The following SV2B variants were observed in gnomAD, a reference collection of about 807,000 sequenced individuals.
SV2B encodes synaptic vesicle glycoprotein 2B.
A neutral mutation model predicts 73.9 loss-of-function variants in SV2B; 41 were observed. The observed-to-expected ratio is 0.56, with a 90% confidence interval of 0.43 to 0.72. The LOEUF (loss-of-function observed/expected upper bound fraction) is 0.72, where lower values mean the gene tolerates loss of function less well. Among genes scored for constraint, SV2B ranks in the 30% least tolerant of loss-of-function variants. The pLI is 0.00. For synonymous variants in SV2B, 314 were observed against 314.2 expected (o/e 1.00, Z 0.01); for missense variants, 764 against 857.8 (o/e 0.89, Z 1.37).
chr15:91,211,741 A>G (rs952823103), intron 1 of SV2B, among the ~76,000 whole-genome samples: 4 of 148,754 alleles, frequency 2.7e-5, no homozygotes, highest in African/African-American at 9.9e-5. Context: ...TGACCTCATA[A>G]TCCACCCGCC....
At position 91,137,682 on chromosome 15, in the gene SV2B, A is replaced by G. The variant is rs1159808089; in HGVS notation, c.-392+37319A>G. ...ATATATACATATATTTCATATATATATACACACACACACACATTTGCACAG... is the reference window on the plus strand; with the variant it reads ...ATATATACATATATTTCATATATATGTACACACACACACACATTTGCACAG... On this transcript the variant is annotated intron_variant, in intron 1 of 12. Coordinates refer to ENST00000394232, the MANE Select transcript of SV2B (RefSeq NM_001323032.3). This position sits in a 1 kb window ranked among gnomAD's most constrained non-coding sequence, Gnocchi z 4.9. Among the ~76,000 whole-genome samples, 2 of 149,214 alleles carry G rather than the reference A, an allele frequency of 1.3e-5. No homozygotes were observed. Among genetic ancestry groups the G allele is most frequent in the African/African-American group, 4.9e-5 (2 of 40,842 alleles).
At chr15:91,102,820 G>A (rs2023714) in intron 1 of SV2B, among the ~76,000 whole-genome samples, 84,283 of 152,040 alleles carry the variant, frequency 0.55, 24,336 homozygotes, top group African/African-American at 0.63. Context: ...GACATCTGGG[G>A]AAGTGAGGGA....
chr15:91,196,351 A>G (rs1054089549), intron 1 of SV2B, among the ~76,000 whole-genome samples: 1 of 152,258 alleles, frequency 6.6e-6, no homozygotes, highest in African/African-American at 2.4e-5. Context: ...GCAGAGTTAC[A>G]TGGAAAAGGT....
In SV2B at chr15:91,118,966, G is replaced by A. The variant is rs921334474; in HGVS notation, c.-392+18603G>A. Among the ~76,000 whole-genome samples, 17 of 152,316 alleles carry A rather than the reference G, an allele frequency of 1.1e-4. No individual in the cohort carries two copies. The highest frequency in any genetic ancestry group is 3.8e-4 in the African/African-American group (16 of 41,560). On this transcript the variant is annotated intron_variant, in intron 1 of 12. Transcript: ENST00000394232. The surrounding 1 kb of genome is among the most constrained non-coding windows in gnomAD (Gnocchi z 4.7). ...CGGCTTGGAGGCAGGGCCTGTGGGG[G>A]TGGGCGTGCTGGCTGATCCGCTTGG...
chr15:91,262,457 C>A (rs1016178669), intron 6 of SV2B, among the ~76,000 whole-genome samples: 13 of 152,036 alleles, frequency 8.6e-5, no homozygotes, highest in African/African-American at 2.4e-5. Context: ...GCTTTTCCTG[C>A]CATTTTTTTA....
intron 1 of SV2B, among the ~76,000 whole-genome samples, chr15:91,151,323 T>C (rs1365277882): frequency 6.6e-6 from 1 of 152,266 alleles, no homozygotes; most frequent in African/African-American, 2.4e-5. Context: ...TGCAGCTTTA[T>C]AATTTGGTCA....
chr15:91,272,139 T>C (rs2048337575), intron 9 of SV2B, among the ~76,000 whole-genome samples: 1 of 152,196 alleles, frequency 6.6e-6, no homozygotes, highest in African/African-American at 2.4e-5. Flanking sequence ...TAGTGCCTTT[T>C]TGGGGATCTG....
chr15:91,177,163 G>T (rs191539142), intron 1 of SV2B, among the ~76,000 whole-genome samples: 2,003 of 151,866 alleles, frequency 0.013, 50 homozygotes, highest in African/African-American at 0.044. Context: ...TTTCCCCATT[G>T]CTTGTTTTAC....
intron 1 of SV2B, among the ~76,000 whole-genome samples, chr15:91,126,983 G>C (rs2042502694): frequency 6.6e-6 from 1 of 152,192 alleles, no homozygotes; most frequent in Non-Finnish European, 1.5e-5. Flanking sequence ...CAACATTATA[G>C]GACACATAGC....
chr15:91,258,470 G>A lies in SV2B; in HGVS notation c.834G>A (p.Val278=), dbSNP rs149904041. ...ATTACCACTTCCATAGCTGGAGAGT[G>A]TTTGTCATCGTCTGTGCTCTGCCCT... ...GTNYHFHSWR[V]FVIVCALPCT... Residue 278 remains valine (V), a synonymous_variant, in exon 5 of 13, where the codon GTG becomes GTA. Transcript: ENST00000394232. The surrounding 1 kb of genome is among the most constrained non-coding windows in gnomAD (Gnocchi z 4.7). 96 of 1,614,184 alleles carry A rather than the reference G, an allele frequency of 5.9e-5. No homozygotes were observed. In the African/African-American group the frequency reaches 1.1e-3, roughly 18 times the overall value.
In SV2B at chr15:91,106,006, T is replaced by G. The variant is rs1224657832; in HGVS notation, c.-392+5643T>G. ...TCGAGGCTGCAGTGAGTCACGATAA[T>G]GCCATTGTACTCCAGCCTGGACAAT... On this transcript the variant is annotated intron_variant, in intron 1 of 12. Transcript: ENST00000394232. This position sits in a 1 kb window ranked among gnomAD's most constrained non-coding sequence, Gnocchi z 4.4. Among the ~76,000 whole-genome samples the G allele has an allele frequency of 6.6e-6, 1 of 151,968 alleles. No individual in the cohort carries two copies. The highest frequency in any genetic ancestry group is 1.5e-5 in the Non-Finnish European group (1 of 67,978).
chr15:91,245,860 T>A lies in SV2B; in HGVS notation c.452-5959T>A, dbSNP rs890890464. Among the ~76,000 whole-genome samples the A allele has an allele frequency of 4.6e-5, 7 of 152,104 alleles. No homozygotes were observed. Among genetic ancestry groups the A allele is most frequent in the African/African-American group, 1.7e-4 (7 of 41,412 alleles). On this transcript the variant is annotated intron_variant, in intron 2 of 12. Coordinates refer to ENST00000394232, the MANE Select transcript of SV2B (RefSeq NM_001323032.3). The surrounding 1 kb of genome is among the most constrained non-coding windows in gnomAD (Gnocchi z 4.2). Reference sequence around the variant, plus strand: ...TACAAACCTATGACCAATTTTTTTTTTAACATTTTTAAAGGGTTGTAAATT... The same window carrying A: ...TACAAACCTATGACCAATTTTTTTTATAACATTTTTAAAGGGTTGTAAATT...
In SV2B at chr15:91,234,084, G is replaced by T. The variant is rs1203041986; in HGVS notation, c.451+7370G>T. ...AAAAAACTCTACTATTTGTTTCATT[G>T]GTTGGCTGAAATGTAGACCAAAATG... On this transcript the variant is annotated intron_variant, in intron 2 of 12. Coordinates refer to ENST00000394232, the MANE Select transcript of SV2B (RefSeq NM_001323032.3). This position sits in a 1 kb window ranked among gnomAD's most constrained non-coding sequence, Gnocchi z 5.6. 6.6e-6 allele frequency among the ~76,000 whole-genome samples: 1 copy of T among 152,164 alleles called. No homozygotes were observed. Among genetic ancestry groups the T allele is most frequent in the Non-Finnish European group, 1.5e-5 (1 of 68,028 alleles).
intron 1 of SV2B, among the ~76,000 whole-genome samples, chr15:91,127,746 T>C (rs2042527952): frequency 6.6e-6 from 1 of 152,072 alleles, no homozygotes; most frequent in Non-Finnish European, 1.5e-5. Flanking sequence ...GGTCTCAGTG[T>C]TCTGCTGAGC....
Position 91,267,576 on chromosome 15 carries a change from T to C in SV2B, c.1141T>C (p.Cys381Arg), listed in dbSNP as rs751434328. 1.2e-6 allele frequency: 2 copies of C among 1,613,486 alleles called. No individual in the cohort carries two copies. Among genetic ancestry groups the C allele is most frequent in the Middle Eastern group, 1.7e-4 (1 of 6,056 alleles). ...FKQVWDNALY[C>R]VMGPYRMNTL... ...GTAGGTCTGGGATAATGCCCTGTAC[T>C]GTGTGATGGGGCCCTACAGAATGAA... The change falls in exon 8 of 13, where the codon TGT becomes CGT. Residue 381 changes from cysteine (C) to arginine (R), a missense_variant. Coordinates refer to ENST00000394232, the MANE Select transcript of SV2B (RefSeq NM_001323032.3). This position sits in a 1 kb window ranked among gnomAD's most constrained non-coding sequence, Gnocchi z 4.3.
chr15:91,254,347 G>A (rs1357890173), intron 4 of SV2B, among the ~76,000 whole-genome samples: 5 of 150,292 alleles, frequency 3.3e-5, no homozygotes, highest in East Asian at 3.9e-4. Flanking sequence ...AGCAGTACTC[G>A]TGTCTCAGAC....
chr15:91,200,582 A>G (rs1242948349), intron 1 of SV2B, among the ~76,000 whole-genome samples: 1 of 152,120 alleles, frequency 6.6e-6, no homozygotes, highest in Non-Finnish European at 1.5e-5. Flanking sequence ...AGAAGGTCAG[A>G]TGGTGCTACT....
At chr15:91,225,382 T>G (rs1383787869) in intron 1 of SV2B, among the ~76,000 whole-genome samples, 1 of 152,216 alleles carries the variant, frequency 6.6e-6, no homozygotes, top group Non-Finnish European at 1.5e-5. Flanking sequence ...AAAGCGGCAT[T>G]TTCGTAGCAG....
At chr15:91,171,512 C>T (rs772131697) in intron 1 of SV2B, among the ~76,000 whole-genome samples, 15 of 152,142 alleles carry the variant, frequency 9.9e-5, no homozygotes, top group Admixed American at 1.3e-4. Context: ...CTGCAGTGGA[C>T]GTCACTTTAT....
Sources: allele counts gnomAD v4.1 joint callset (sites outside exome capture counted in the v4.1 genomes callset), GRCh38; gene constraint gnomAD v4.1.1; non-coding constraint Gnocchi (gnomAD v3.1); transcripts MANE v1.5; gene names NCBI Gene and HGNC (gene_info 2026-07-23, HGNC 2026-07-21).